Variants in CAMK1D observed in about 807,000 individuals in gnomAD.
CAMK1D encodes calcium/calmodulin dependent protein kinase ID.
In CAMK1D, 9 loss-of-function variants were observed where a neutral mutation model predicts 47.7. That is an observed-to-expected ratio of 0.19 (90% CI 0.11 to 0.33). The LOEUF is 0.33. CAMK1D is among the 10% of genes least tolerant of loss of function. CAMK1D has a pLI of 1.00. For synonymous variants in CAMK1D, 184 were observed against 184.9 expected (o/e 0.99, Z 0.04); for missense variants, 291 against 488.7 (o/e 0.60, Z 3.81).
rs547487022 is a variant in CAMK1D at position 12,628,924 on chromosome 10, C to T, written c.225-37812C>T. 3.0e-4 allele frequency among the ~76,000 whole-genome samples: 46 copies of T among 152,302 alleles called. 1 individual carries two copies. The South Asian group carries it at 6.8e-3, about 23-fold the overall frequency. On this transcript the variant is annotated intron_variant, in intron 2 of 10. Coordinates refer to ENST00000619168, the MANE Select transcript of CAMK1D (RefSeq NM_153498.4). ...GATTGGCTTCATTCACTTAGAAATG[C>T]ACAGTTAAGTGGCTTGATAGCTTAT...
chr10:12,739,161 C>T (rs943629612), intron 3 of CAMK1D, among the ~76,000 whole-genome samples: 2 of 152,114 alleles, frequency 1.3e-5, no homozygotes, highest in African/African-American at 4.8e-5. Context: ...CGCTTAAGCC[C>T]AGAAGGCGGA....
chr10:12,750,488 CA>C (rs1279194290), intron 3 of CAMK1D, among the ~76,000 whole-genome samples: 1 of 152,162 alleles, frequency 6.6e-6, no homozygotes, highest in African/African-American at 2.4e-5. Flanking sequence ...CAGGACCAGC[CA>C]GGTGGGACAG....
intron 1 of CAMK1D, among the ~76,000 whole-genome samples, chr10:12,458,898 A>C (rs558848839): frequency 1.3e-5 from 1 of 75,070 alleles, no homozygotes; most frequent in Non-Finnish European, 2.6e-5. Context: ...TTTTTTTTTG[A>C]GATGAAATCT....
intron 1 of CAMK1D, among the ~76,000 whole-genome samples, chr10:12,470,390 G>A (rs1017852310): frequency 1.3e-5 from 2 of 152,072 alleles, no homozygotes; most frequent in East Asian, 1.9e-4. Flanking sequence ...CAACACAATT[G>A]CTTTTGTATT....
rs1431106047 is a variant in CAMK1D, at chr10:12,560,554, GGAAAA to G, written c.224+7199_224+7203del. Among the ~76,000 whole-genome samples the G allele has an allele frequency of 4.5e-5, 4 of 89,042 alleles. No homozygotes were observed. The East Asian group carries it at 9.6e-4, about 21-fold the overall frequency. 58.4% of individuals were successfully genotyped at this position (89,042 alleles called of 152,430 possible). On this transcript the variant is annotated intron_variant, in intron 2 of 10. Transcript: ENST00000619168. ...GGCAACGAGAGGAAAACTCTATCTC[GGAAAA>G]AAAAAAAAAAAAAGAAGAAGAAGAA...
intron 2 of CAMK1D, among the ~76,000 whole-genome samples, chr10:12,559,608 G>A (rs1232338195): frequency 6.6e-6 from 1 of 152,176 alleles, no homozygotes; most frequent in Admixed American, 6.5e-5. Flanking sequence ...TGAGAGGAGC[G>A]AACTCAGATG....
At chr10:12,733,740 T>C (rs1835002931) in intron 3 of CAMK1D, among the ~76,000 whole-genome samples, 1 of 152,260 alleles carries the variant, frequency 6.6e-6, no homozygotes, top group African/African-American at 2.4e-5. Context: ...TGTTAGCATT[T>C]CTTTGAGTTA....
intron 2 of CAMK1D, among the ~76,000 whole-genome samples, chr10:12,649,060 G>C (rs1318390412): frequency 6.6e-6 from 1 of 151,998 alleles, no homozygotes; most frequent in Non-Finnish European, 1.5e-5. Flanking sequence ...TACAGACCGG[G>C]TTTTACTATG....
intron 1 of CAMK1D, among the ~76,000 whole-genome samples, chr10:12,480,347 A>G (rs527490999): frequency 5.9e-5 from 9 of 152,008 alleles, no homozygotes; most frequent in African/African-American, 2.2e-4. Flanking sequence ...AGGCAGGAGA[A>G]TCACTGGAAC....
At chr10:12,372,753 C>T (rs1217010480) in intron 1 of CAMK1D, among the ~76,000 whole-genome samples, 2 of 150,944 alleles carry the variant, frequency 1.3e-5, no homozygotes, top group East Asian at 1.9e-4. Context: ...CTCAGCCTCC[C>T]GAGTAGCTGA....
chr10:12,373,316 A>G (rs993812594), intron 1 of CAMK1D, among the ~76,000 whole-genome samples: 2 of 148,520 alleles, frequency 1.3e-5, no homozygotes, highest in Admixed American at 6.6e-5. Flanking sequence ...CTGTCTCAAT[A>G]AAAAAGAAAA....
chr10:12,641,112 G>C (rs2132487101), intron 2 of CAMK1D, among the ~76,000 whole-genome samples: 1 of 152,112 alleles, frequency 6.6e-6, no homozygotes. Context: ...TAGGATTACA[G>C]GAATGTGCCA....
intron 1 of CAMK1D, among the ~76,000 whole-genome samples, chr10:12,546,830 G>A (rs1836390611): frequency 6.9e-6 from 1 of 143,950 alleles, no homozygotes; most frequent in Non-Finnish European, 1.5e-5. Context: ...GTGGGGGAGG[G>A]ATAGCATTAG....
chr10:12,429,349 T>A (rs1250947022), intron 1 of CAMK1D, among the ~76,000 whole-genome samples: 1 of 146,546 alleles, frequency 6.8e-6, no homozygotes, highest in Non-Finnish European at 1.5e-5. Context: ...TCTCTCTTTT[T>A]TTCTTCCTGA....
intron 2 of CAMK1D, among the ~76,000 whole-genome samples, chr10:12,663,637 A>C (rs1342395566): frequency 6.6e-6 from 1 of 152,180 alleles, no homozygotes; most frequent in Non-Finnish European, 1.5e-5. Flanking sequence ...CACCAAATTC[A>C]GAGTACCTAG....
At chr10:12,540,708 C>G (rs1836139972) in intron 1 of CAMK1D, among the ~76,000 whole-genome samples, 1 of 152,214 alleles carries the variant, frequency 6.6e-6, no homozygotes, top group Non-Finnish European at 1.5e-5. Flanking sequence ...TTAAGAATGT[C>G]TCATCATGGT....
At chr10:12,449,619 G>A (rs1833023688) in intron 1 of CAMK1D, among the ~76,000 whole-genome samples, 2 of 152,132 alleles carry the variant, frequency 1.3e-5, no homozygotes, top group Admixed American at 6.6e-5. Context: ...AAAACATCAT[G>A]TTACGATGTA....
intron 3 of CAMK1D, among the ~76,000 whole-genome samples, chr10:12,712,226 A>G (rs1484282725): frequency 6.6e-6 from 1 of 152,200 alleles, no homozygotes; most frequent in East Asian, 1.9e-4. Context: ...CAGGGACAAT[A>G]GGAGCTGATG....
At chr10:12,531,992 C>G (rs991175616) in intron 1 of CAMK1D, among the ~76,000 whole-genome samples, 17 of 152,316 alleles carry the variant, frequency 1.1e-4, no homozygotes, top group African/African-American at 3.9e-4. Flanking sequence ...GTCCCTTACC[C>G]GGCTCTTCCC....
Sources: gnomAD v4.1 joint callset for allele counts (sites outside exome capture counted in the v4.1 genomes callset) on GRCh38, gnomAD v4.1.1 for gene constraint, MANE v1.5 for transcripts, NCBI Gene and HGNC (gene_info 2026-07-23, HGNC 2026-07-21) for gene names.